The following NDUFA11 variants were observed in gnomAD, a reference collection of about 807,000 sequenced individuals.
The protein encoded by NDUFA11 is NADH dehydrogenase [ubiquinone] 1 alpha subcomplex subunit 11.
Under a neutral mutation model 11.3 loss-of-function variants are expected in NDUFA11, and 14 were observed. That is an observed-to-expected ratio of 1.24 (90% CI 0.82 to 1.94). The LOEUF is 1.94. Ranked by LOEUF, NDUFA11 falls within the 30% of genes most tolerant of loss-of-function variation. The pLI is 0.00. For synonymous variants in NDUFA11, 87 were observed against 85.6 expected (o/e 1.02, Z -0.09); for missense variants, 204 against 200.3 (o/e 1.02, Z -0.11).
chr19:5,891,648 A>G (rs1413725649), downstream of NDUFA11: 1 of 152,230 alleles, frequency 6.6e-6, no homozygotes, highest in East Asian at 1.9e-4. Flanking sequence ...GCCCCCAGGC[A>G]CCTCTCCTGG....
chr19:5,895,720 C>G (rs559096956), intron 3 of NDUFA11: 1 of 153,416 alleles, frequency 6.5e-6, no homozygotes, highest in African/African-American at 2.4e-5. Flanking sequence ...TGACGCTGAG[C>G]CCGGGCCCAT....
chr19:5,900,721 C>T lies in NDUFA11; in HGVS notation c.97+2891G>A, dbSNP rs976088090. Among the ~76,000 whole-genome samples the T allele has an allele frequency of 2.6e-5, 4 of 152,144 alleles. No homozygotes were observed. The South Asian group carries it at 8.3e-4, about 32-fold the overall frequency. On this transcript the variant is annotated intron_variant, in intron 1 of 3. Transcript: ENST00000308961. ...TCACCTGAGGTCAGGAGGTTGAGAC[C>T]GGCCTGGCCAACATGGCGAAACCTT...
At chr19:5,897,791 C>T (rs75039856) in intron 1 of NDUFA11, among the ~76,000 whole-genome samples, 16 of 152,368 alleles carry the variant, frequency 1.1e-4, no homozygotes, top group South Asian at 2.1e-4. Context: ...CCCAGCCCAC[C>T]GTCCCTGCTG....
chr19:5,893,768 CA>C (rs1234209689), downstream of NDUFA11, among the ~76,000 whole-genome samples: 7 of 152,162 alleles, frequency 4.6e-5, no homozygotes, highest in Non-Finnish European at 1.0e-4. This position sits in a 1 kb window ranked among gnomAD's most constrained non-coding sequence, Gnocchi z 4.1. Context: ...TTTGGCTTTT[CA>C]CATCTAGGCC....
downstream of NDUFA11, among the ~76,000 whole-genome samples, chr19:5,894,108 C>A (rs1259239195): frequency 2.0e-5 from 3 of 152,234 alleles, no homozygotes; most frequent in South Asian, 2.1e-4. Flanking sequence ...GCAATTCTTT[C>A]CCTTGTCGCT....
intron 1 of NDUFA11, among the ~76,000 whole-genome samples, chr19:5,899,739 T>C (rs1195781199): frequency 3.9e-5 from 6 of 152,084 alleles, no homozygotes; most frequent in Non-Finnish European, 8.8e-5. Flanking sequence ...AGTGCTGGGA[T>C]TAAAGGCCTG....
intron 1 of NDUFA11, among the ~76,000 whole-genome samples, chr19:5,901,692 CGG>C (rs2057646630): frequency 6.7e-6 from 1 of 149,596 alleles, no homozygotes; most frequent in South Asian, 2.1e-4. Context: ...CTTTTTGAGA[CGG>C]AGTCTTGCTC....
In NDUFA11 at chr19:5,899,148, C is replaced by CT. The variant is rs550114615; in HGVS notation, c.98-2152dup. On this transcript the variant is annotated intron_variant, in intron 1 of 3. Transcript: ENST00000308961. ...AAGAGAGCTGGAGTCTATGAAGATT[C>CT]TTTTTTTTTTTTTTTTCTTGAGATA... Among the ~76,000 whole-genome samples the CT allele has an allele frequency of 9.5e-3, 1,326 of 139,176 alleles. 6 individuals are homozygous for CT. Among genetic ancestry groups the CT allele is most frequent in the Non-Finnish European group, 0.014 (894 of 63,902 alleles). The allele number at this position is 139,176 out of a possible 152,430, so 91.3% of individuals were successfully genotyped here. A position where few individuals can be genotyped will look rare whatever the true frequency, so the allele number is the denominator to read the frequency against.
At chr19:5,902,187 G>A (rs2057650470) in intron 1 of NDUFA11, among the ~76,000 whole-genome samples, 1 of 151,980 alleles carries the variant, frequency 6.6e-6, no homozygotes, top group Non-Finnish European at 1.5e-5. Flanking sequence ...GTGTTAGCCA[G>A]GATGGTCTCA....
chr19:5,902,709 T>G (rs2057653247), intron 1 of NDUFA11: 1 of 152,846 alleles, frequency 6.5e-6, no homozygotes, highest in South Asian at 2.0e-4. Flanking sequence ...ATTTACTCTA[T>G]AAGAGAATGC....
chr19:5,896,977 T>C lies in NDUFA11; in HGVS notation c.118A>G (p.Arg40Gly). The C allele has an allele frequency of 6.2e-7, 1 of 1,614,120 alleles. No homozygotes were observed. The highest frequency in any genetic ancestry group is 8.5e-7 in the Non-Finnish European group (1 of 1,180,018). The change falls in exon 2 of 4, where the codon AGA (arginine) becomes GGA (glycine). Residue 40 changes from arginine (R) to glycine (G), a missense_variant. By Grantham distance (125) the Arg-to-Gly change is moderately radical (BLOSUM62 -2). Transcript: ENST00000308961. This position sits in a 1 kb window ranked among gnomAD's most constrained non-coding sequence, Gnocchi z 5.8. Reference protein sequence around the residue: ...SVAGLTAAAYRVTLNPPGTFL... With the variant: ...SVAGLTAAAYGVTLNPPGTFL... ...GTGCCCGGAGGATTGAGTGTGACTC[T>C]GTAGGCAGCGGCGGTCAGGCCTGCG... is the stretch of plus-strand genomic sequence containing the variant.
chr19:5,892,767 T>C, downstream of NDUFA11: 1 of 1,072,354 alleles, frequency 9.3e-7, no homozygotes, highest in Non-Finnish European at 1.2e-6. Flanking sequence ...CTCGAGTGGA[T>C]GCGATGCCCG....
chr19:5,896,700 C>T lies in NDUFA11; in HGVS notation c.191-125G>A, dbSNP rs1295317066. On this transcript the variant is annotated intron_variant, in intron 2 of 3. Coordinates refer to ENST00000308961, the MANE Select transcript of NDUFA11 (RefSeq NM_175614.5). The surrounding 1 kb of genome is among the most constrained non-coding windows in gnomAD (Gnocchi z 5.8). The stretch of plus-strand genomic sequence containing the variant: ...TCGGCTGCTCGCTGTGCATGGCAGC[C>T]TCCTGGCCCCAGTCCTGGAGCTGTT... 7.0e-7 allele frequency: 1 copy of T among 1,428,592 alleles called. No individual in the cohort carries two copies. Among genetic ancestry groups the T allele is most frequent in the African/African-American group, 1.4e-5 (1 of 70,698 alleles). The allele number at this position is 1,428,592 out of a possible 1,614,324, so 88.5% of individuals were successfully genotyped here.
chr19:5,901,480 G>C, intron 1 of NDUFA11: 1 of 1,283,224 alleles, frequency 7.8e-7, no homozygotes, highest in Non-Finnish European at 1.0e-6. Context: ...ACACAATAAC[G>C]TCTGTCTTAC....
chr19:5,898,790 C>G (rs1448832250), intron 1 of NDUFA11, among the ~76,000 whole-genome samples: 1 of 151,376 alleles, frequency 6.6e-6, no homozygotes, highest in African/African-American at 2.4e-5. Flanking sequence ...AGGAGAACCA[C>G]TTGAACCCAG....
rs2057612527 is a variant in NDUFA11 at position 5,896,777 on chromosome 19, T to C, written c.190+128A>G. On this transcript the variant is annotated intron_variant, in intron 2 of 3. Coordinates refer to ENST00000308961, the MANE Select transcript of NDUFA11 (RefSeq NM_175614.5). This position sits in a 1 kb window ranked among gnomAD's most constrained non-coding sequence, Gnocchi z 5.8. The stretch of plus-strand genomic sequence containing the variant: ...ATTCCTGATAAAGGAACACCCCACT[T>C]TCTCCGGATGGCCAGCACTGTGGAC... 2 of 1,183,564 alleles carry C rather than the reference T, an allele frequency of 1.7e-6. No individual in the cohort carries two copies. Among genetic ancestry groups the C allele is most frequent in the Admixed American group, 3.4e-5 (2 of 59,248 alleles). The allele number at this position is 1,183,564 out of a possible 1,614,324, so 73.3% of individuals were successfully genotyped here. A position where few individuals can be genotyped will look rare whatever the true frequency, so the allele number is the denominator to read the frequency against.
chr19:5,903,678 C>T lies in NDUFA11; in HGVS notation c.31G>A (p.Asp11Asn). Residue 11 changes from aspartate (D) to asparagine (N), a missense_variant, in exon 1 of 4, where the codon GAT becomes AAT. By Grantham distance (23) the Asp-to-Asn change is conservative. Transcript: ENST00000308961. ...TGGCAATCGGTGCCATCGGGGATATCCCAGTACTGACGAAAAACCTTCGGC... is the reference window on the plus strand; with the variant it reads ...TGGCAATCGGTGCCATCGGGGATATTCCAGTACTGACGAAAAACCTTCGGC... MAPKVFRQYW[D>N]IPDGTDCHRK... The T allele has an allele frequency of 6.4e-7, 1 of 1,551,574 alleles. No individual in the cohort carries two copies. Among genetic ancestry groups the T allele is most frequent in the Non-Finnish European group, 8.7e-7 (1 of 1,146,920 alleles).
downstream of NDUFA11, chr19:5,892,737 T>G (rs1009204784): frequency 2.1e-5 from 17 of 819,990 alleles, no homozygotes; most frequent in Admixed American, 3.5e-5. Context: ...CCGGCCGCAG[T>G]AGAGACAGAG....
intron 1 of NDUFA11, among the ~76,000 whole-genome samples, chr19:5,897,762 G>T (rs778880445): frequency 6.6e-6 from 1 of 152,254 alleles, no homozygotes; most frequent in Non-Finnish European, 1.5e-5. Flanking sequence ...CAGGTAGGTG[G>T]TGGGGACGGA....
Sources: allele counts gnomAD v4.1 joint callset (sites outside exome capture counted in the v4.1 genomes callset), GRCh38; gene constraint gnomAD v4.1.1; non-coding constraint Gnocchi (gnomAD v3.1); transcripts MANE v1.5; gene names NCBI Gene and HGNC (gene_info 2026-07-23, HGNC 2026-07-21).